The following GSE1 variants were observed in gnomAD, a reference collection of about 807,000 sequenced individuals.
GSE1 encodes genetic suppressor element 1.
GSE1 carries 32 observed loss-of-function variants against 112.6 expected under a neutral mutation model. The observed-to-expected ratio is 0.28, with a 90% CI of 0.21 to 0.38. The LOEUF is 0.38. Ranked by LOEUF, GSE1 falls within the 10% of genes least tolerant of loss-of-function variation. The pLI is 1.00. For missense variants in GSE1, 2,348 were observed against 1,699.2 expected, an observed-to-expected ratio of 1.38 and a Z score of -6.71; for synonymous variants, 1,115 against 735.6, an observed-to-expected ratio of 1.52 and a Z score of -8.35.
At chr16:85,257,181 C>A (rs1907177016) in intron 1 of GSE1, among the ~76,000 whole-genome samples, 1 of 152,174 alleles carries the variant, frequency 6.6e-6, no homozygotes. Flanking sequence ...CGATCTCGGC[C>A]CACTGCAACC....
At chr16:85,297,326 A>G (rs1276008060) in intron 1 of GSE1, among the ~76,000 whole-genome samples, 1 of 150,524 alleles carries the variant, frequency 6.6e-6, no homozygotes, top group Non-Finnish European at 1.5e-5. Flanking sequence ...GCCGAAGGGT[A>G]GGGGCAGCAG....
chr16:85,536,774 G>A (rs368167900), intron 2 of GSE1, among the ~76,000 whole-genome samples: 4 of 152,188 alleles, frequency 2.6e-5, no homozygotes, highest in Non-Finnish European at 5.9e-5. Context: ...AGAGGTGCCC[G>A]GGGCCTCCTG....
intron 1 of GSE1, among the ~76,000 whole-genome samples, chr16:85,354,590 C>T (rs1229783668): frequency 6.6e-6 from 1 of 152,226 alleles, no homozygotes; most frequent in East Asian, 1.9e-4. Flanking sequence ...AGAACCCTGG[C>T]CCCCCAGCTC....
In GSE1 at chr16:85,533,778, T is replaced by G. The variant is rs189561702; in HGVS notation, c.2465-100136T>G. On this transcript the variant is annotated intron_variant, in intron 2 of 2. Coordinates refer to the GSE1 transcript ENST00000637419. ...TACTTGGGAGGCTGAGGTGGGAGGA[T>G]CGCTTGAGCCCGGGAGGTGGAGGCT... Among the ~76,000 whole-genome samples the G allele has an allele frequency of 2.9e-3, 437 of 152,062 alleles. 4 individuals carry two copies. Among genetic ancestry groups the G allele is most frequent in the Middle Eastern group, 0.01 (3 of 294 alleles).
chr16:85,522,908 G>C (rs576706246), intron 2 of GSE1, among the ~76,000 whole-genome samples: 1 of 152,144 alleles, frequency 6.6e-6, no homozygotes, highest in African/African-American at 2.4e-5. Context: ...GTGTGACTTT[G>C]TGTTTGTGTA....
At chr16:85,624,307 C>G (rs1013704570) in intron 1 of GSE1, among the ~76,000 whole-genome samples, 8 of 152,166 alleles carry the variant, frequency 5.3e-5, no homozygotes, top group African/African-American at 1.9e-4. Flanking sequence ...GGAGCAGGTG[C>G]AATGGAAGGC....
At chr16:85,382,450 A>G (rs930474661) in intron 2 of GSE1, among the ~76,000 whole-genome samples, 3 of 152,210 alleles carry the variant, frequency 2.0e-5, no homozygotes, top group African/African-American at 4.8e-5. Flanking sequence ...TGCAATGTGC[A>G]GAATTGGGTA....
intron 1 of GSE1, among the ~76,000 whole-genome samples, chr16:85,590,847 G>C (rs900001299): frequency 1.3e-5 from 2 of 152,152 alleles, no homozygotes; most frequent in Non-Finnish European, 2.9e-5. Flanking sequence ...CCTCTTTTCC[G>C]TCCTGTAAAA....
At chr16:85,597,033 A>G (rs2047258107) in intron 1 of GSE1, among the ~76,000 whole-genome samples, 1 of 151,622 alleles carries the variant, frequency 6.6e-6, no homozygotes, top group South Asian at 2.1e-4. Context: ...GCTGGAGTAC[A>G]GTGGCATGAC....
chr16:85,547,092 C>A (rs1259220927), intron 2 of GSE1, among the ~76,000 whole-genome samples: 1 of 152,210 alleles, frequency 6.6e-6, no homozygotes, highest in Non-Finnish European at 1.5e-5. Context: ...GACACTTTAT[C>A]TCAATCTCAG....
intron 2 of GSE1, among the ~76,000 whole-genome samples, chr16:85,527,466 A>T (rs1226142086): frequency 6.6e-6 from 1 of 152,242 alleles, no homozygotes; most frequent in Non-Finnish European, 1.5e-5. Context: ...ACATGCCCAG[A>T]GCTGGGGCCA....
chr16:85,186,629 G>A lies in GSE1; in HGVS notation c.2283+14822G>A, dbSNP rs183614002. 1.8e-3 allele frequency among the ~76,000 whole-genome samples: 267 copies of A among 151,174 alleles called. 3 individuals carry two copies. The highest frequency in any genetic ancestry group is 2.9e-4 in the Non-Finnish European group (20 of 67,842). ...AGAAAAAAAAAAAAAAAATTTAGCC[G>A]TGTGTGGTGGCGCATGTCTGTGGTC... On this transcript the variant is annotated intron_variant, in intron 1 of 2. Transcript: ENST00000637419.
At chr16:85,554,851 G>A (rs2045119346), upstream of GSE1, 3 of 984,394 alleles carry the variant, frequency 3.0e-6, no homozygotes, top group Non-Finnish European at 3.6e-6. Context: ...CGGAGGGGGG[G>A]CCAGCGGCGC....
At chr16:85,371,342 G>C (rs2047296312) in intron 2 of GSE1, among the ~76,000 whole-genome samples, 1 of 152,230 alleles carries the variant, frequency 6.6e-6, no homozygotes, top group African/African-American at 2.4e-5. Flanking sequence ...TCTTGGGACA[G>C]TGCCCAGACT....
chr16:85,641,409 C>T (rs1209618154), intron 2 of GSE1, among the ~76,000 whole-genome samples: 1 of 152,170 alleles, frequency 6.6e-6, no homozygotes, highest in Non-Finnish European at 1.5e-5. Context: ...CATGGGAGCC[C>T]GCCACTGGCT....
At chr16:85,215,851 C>T (rs2075299413) in intron 1 of GSE1, among the ~76,000 whole-genome samples, 1 of 152,184 alleles carries the variant, frequency 6.6e-6, no homozygotes, top group Admixed American at 6.5e-5. Context: ...CCACCGTAAC[C>T]CCACCGGTTG....
intron 2 of GSE1, among the ~76,000 whole-genome samples, chr16:85,453,099 G>T (rs2049731114): frequency 6.6e-6 from 1 of 152,204 alleles, no homozygotes; most frequent in Non-Finnish European, 1.5e-5. Context: ...CCTGGGCCTG[G>T]GTCCCCCACC....
intron 1 of GSE1, among the ~76,000 whole-genome samples, chr16:85,315,934 G>C (rs918117028): frequency 4.6e-5 from 7 of 152,170 alleles, no homozygotes; most frequent in African/African-American, 9.7e-5. Flanking sequence ...GTGGGAGGGG[G>C]GGTGAAGGTG....
intron 1 of GSE1, among the ~76,000 whole-genome samples, chr16:85,191,308 T>C (rs956214811): frequency 3.9e-5 from 6 of 152,278 alleles, no homozygotes; most frequent in African/African-American, 7.2e-5. Context: ...ATATATAAAA[T>C]ATTGCAGCTT....
Sources: gnomAD v4.1 joint callset for allele counts (sites outside exome capture counted in the v4.1 genomes callset) on GRCh38, gnomAD v4.1.1 for gene constraint, MANE v1.5 for transcripts, NCBI Gene and HGNC (gene_info 2026-07-23, HGNC 2026-07-21) for gene names.